LRRC37A2: variants seen among roughly 807,000 people sequenced by gnomAD.
The protein encoded by LRRC37A2 is leucine rich repeat containing 37 member A2, also known as leucine-rich repeat-containing protein 37A2.
In LRRC37A2, 9 loss-of-function variants were observed where a neutral mutation model predicts 68.8. The observed-to-expected ratio is 0.13, with a 90% confidence interval of 0.08 to 0.23. The LOEUF (loss-of-function observed/expected upper bound fraction) is 0.23. Among genes scored for constraint, LRRC37A2 ranks in the 10% least tolerant of loss-of-function variants. The pLI, the probability that LRRC37A2 is intolerant of heterozygous loss-of-function variation, is 1.00. For synonymous variants in LRRC37A2, 63 were observed against 367.6 expected, an observed-to-expected ratio of 0.17 and a Z score of 9.48; for missense variants, 168 against 950.4, an observed-to-expected ratio of 0.18 and a Z score of 10.82.
chr17:47,013,472 T>A, the LRRC37A2 span, among the ~76,000 whole-genome samples: 4 of 152,226 alleles, frequency 2.6e-5, no homozygotes, highest in African/African-American at 9.7e-5. Flanking sequence ...TGAGCATTTT[T>A]AAAATTTCTG....
At chr17:46,964,933 T>G in the LRRC37A2 span, 2 of 152,228 alleles carry the variant, frequency 1.3e-5, no homozygotes, top group Non-Finnish European at 2.9e-5. Context: ...GACAGGAGCT[T>G]CCTACTTTCC....
chr17:46,742,916 A>G, the LRRC37A2 span, among the ~76,000 whole-genome samples: 1 of 152,328 alleles, frequency 6.6e-6, no homozygotes, highest in South Asian at 2.1e-4. Context: ...AATTATTCCT[A>G]TTTCAAGAAT....
At chr17:46,721,541 G>T in the LRRC37A2 span, 1 of 1,169,448 alleles carries the variant, frequency 8.6e-7, no homozygotes, top group Non-Finnish European at 1.3e-6. Context: ...TTCTTTTTCT[G>T]TGTGTGTGTG....
the LRRC37A2 span, among the ~76,000 whole-genome samples, chr17:46,712,164 T>C: frequency 6.6e-6 from 1 of 152,166 alleles, no homozygotes; most frequent in East Asian, 1.9e-4. Flanking sequence ...GTTTGAAGTA[T>C]GTGGAGTAGT....
At chr17:47,036,640 A>C in the LRRC37A2 span, among the ~76,000 whole-genome samples, 2 of 150,734 alleles carry the variant, frequency 1.3e-5, no homozygotes, top group African/African-American at 4.9e-5. Context: ...GTCAAAAATC[A>C]ATTTTCCATA....
the LRRC37A2 span, among the ~76,000 whole-genome samples, chr17:46,846,627 C>T: frequency 6.6e-6 from 1 of 152,186 alleles, no homozygotes; most frequent in Non-Finnish European, 1.5e-5. Flanking sequence ...GGGTGGGGGG[C>T]CACCAAAGGG....
the LRRC37A2 span, chr17:46,851,668 C>T: frequency 3.1e-6 from 4 of 1,305,140 alleles, no homozygotes; most frequent in Non-Finnish European, 3.9e-6. The surrounding 1 kb of genome is among the most constrained non-coding windows in gnomAD (Gnocchi z 4.3). Context: ...TGGCCCTGGC[C>T]GGGCTCTGCC....
chr17:46,881,366 G>A, the LRRC37A2 span, among the ~76,000 whole-genome samples: 21 of 152,336 alleles, frequency 1.4e-4, no homozygotes, highest in Admixed American at 6.5e-4. Flanking sequence ...TGACAGACAC[G>A]TCCACATGCA....
chr17:46,895,016 G>T, the LRRC37A2 span, among the ~76,000 whole-genome samples: 1 of 152,216 alleles, frequency 6.6e-6, no homozygotes, highest in South Asian at 2.1e-4. Context: ...CTGGAGAGCC[G>T]GCCGGATCTC....
the LRRC37A2 span, among the ~76,000 whole-genome samples, chr17:46,972,212 T>C: frequency 1.3e-5 from 2 of 152,192 alleles, no homozygotes; most frequent in East Asian, 3.8e-4. Context: ...CCTGGCTTCC[T>C]GCTTTGCTTC....
At chr17:46,989,502 A>C in the LRRC37A2 span, among the ~76,000 whole-genome samples, 1 of 152,214 alleles carries the variant, frequency 6.6e-6, no homozygotes, top group Non-Finnish European at 1.5e-5. Flanking sequence ...TGCATGATTG[A>C]GGCTGAGCCA....
chr17:46,389,125 G>A, the LRRC37A2 span, among the ~76,000 whole-genome samples: 1 of 140,398 alleles, frequency 7.1e-6, no homozygotes, highest in African/African-American at 2.7e-5. Context: ...AACCCAGGAG[G>A]CGGAGATTGC....
chr17:46,798,374 G>A, the LRRC37A2 span, among the ~76,000 whole-genome samples: 4 of 152,356 alleles, frequency 2.6e-5, no homozygotes, highest in East Asian at 7.7e-4. Context: ...GACATAGTGA[G>A]GCTCAGGTTT....
At chr17:46,493,701 C>T in the LRRC37A2 span, among the ~76,000 whole-genome samples, 1 of 149,692 alleles carries the variant, frequency 6.7e-6, no homozygotes, top group Non-Finnish European at 1.5e-5. Flanking sequence ...CCACGCCCAG[C>T]TAATTTTTTG....
the LRRC37A2 span, chr17:46,966,644 G>C: frequency 1.6e-6 from 1 of 622,172 alleles, no homozygotes; most frequent in Non-Finnish European, 2.9e-6. Flanking sequence ...CCACCACCCT[G>C]ACCTCCAAAT....
At chr17:46,635,115 C>A in the LRRC37A2 span, among the ~76,000 whole-genome samples, 1 of 112,830 alleles carries the variant, frequency 8.9e-6, no homozygotes, top group African/African-American at 3.5e-5. Flanking sequence ...CTCACTTACC[C>A]AATGTGACTT....
chr17:46,986,003 C>T, the LRRC37A2 span, among the ~76,000 whole-genome samples: 1 of 152,290 alleles, frequency 6.6e-6, no homozygotes, highest in East Asian at 1.9e-4. Flanking sequence ...GTTCTCCAAA[C>T]TGTGCTCTTT....
At chr17:46,492,998 G>GT in the LRRC37A2 span, among the ~76,000 whole-genome samples, 6,986 of 129,646 alleles carry the variant, frequency 0.054, 119 homozygotes, top group East Asian at 0.37. Flanking sequence ...CTGGCCTCAA[G>GT]TTTTTTTTTT....
the LRRC37A2 span, among the ~76,000 whole-genome samples, chr17:46,457,930 A>AACACAC: frequency 7.3e-5 from 3 of 41,048 alleles, no homozygotes; most frequent in Non-Finnish European, 1.7e-4. Context: ...TCATAAGGAA[A>AACACAC]ACACACACAC....
Sources: allele counts gnomAD v4.1 joint callset (sites outside exome capture counted in the v4.1 genomes callset), GRCh38; gene constraint gnomAD v4.1.1; non-coding constraint Gnocchi (gnomAD v3.1); transcripts MANE v1.5; gene names NCBI Gene and HGNC (gene_info 2026-07-23, HGNC 2026-07-21).